Variants in DNAJC1 observed in about 807,000 individuals in gnomAD.
DNAJC1 encodes DnaJ heat shock protein family (Hsp40) member C1, also known as dnaJ homolog subfamily C member 1.
A neutral mutation model predicts 76.6 loss-of-function variants in DNAJC1; 58 were observed. The observed-to-expected ratio is 0.76, with a 90% CI of 0.61 to 0.94. DNAJC1 has a LOEUF of 0.94. DNAJC1 is among the 40% of genes least tolerant of loss of function. DNAJC1 has a pLI of 0.00. For missense variants in DNAJC1, 689 were observed against 677.3 expected (o/e 1.02, Z -0.19); for synonymous variants, 258 against 267.9 (o/e 0.96, Z 0.36).
At chr10:21,908,121 T>A (rs1338373362) in intron 6 of DNAJC1, among the ~76,000 whole-genome samples, 1 of 107,660 alleles carries the variant, frequency 9.3e-6, no homozygotes, top group African/African-American at 3.8e-5. Flanking sequence ...AATATATATA[T>A]AATATATAAT....
chr10:21,854,136 G>C (rs1835795739), intron 8 of DNAJC1, among the ~76,000 whole-genome samples: 1 of 151,940 alleles, frequency 6.6e-6, no homozygotes, highest in Non-Finnish European at 1.5e-5. Context: ...TCAACCATCA[G>C]GTTGTTTATA....
chr10:21,857,621 GGATGTGT>G (rs1430494499), intron 8 of DNAJC1, among the ~76,000 whole-genome samples: 5 of 152,048 alleles, frequency 3.3e-5, no homozygotes, highest in Non-Finnish European at 5.9e-5. Context: ...GAATATTAGG[GGATGTGT>G]GTATATGTAT....
intron 8 of DNAJC1, among the ~76,000 whole-genome samples, chr10:21,818,342 T>A (rs1835106590): frequency 6.6e-6 from 1 of 152,202 alleles, no homozygotes; most frequent in Non-Finnish European, 1.5e-5. Context: ...AGACCAGTTG[T>A]CTGCTCTCAA....
intron 1 of DNAJC1, among the ~76,000 whole-genome samples, chr10:21,951,437 G>C (rs1175241971): frequency 2.6e-5 from 4 of 151,634 alleles, no homozygotes; most frequent in Non-Finnish European, 5.9e-5. Context: ...TTATAAAATA[G>C]AGAAATTTTT....
intron 7 of DNAJC1, among the ~76,000 whole-genome samples, chr10:21,884,868 A>T (rs1836344625): frequency 6.6e-6 from 1 of 152,146 alleles, no homozygotes; most frequent in Non-Finnish European, 1.5e-5. Context: ...ATAAGCATTT[A>T]TAAAGGGGCA....
intron 1 of DNAJC1, among the ~76,000 whole-genome samples, chr10:21,964,928 TTGAC>T (rs1382272450): frequency 1.3e-5 from 2 of 152,186 alleles, no homozygotes; most frequent in African/African-American, 4.8e-5. Context: ...TCTTTTCTCT[TTGAC>T]TGTTTTCAAA....
chr10:21,931,200 T>G (rs962743721), intron 1 of DNAJC1, among the ~76,000 whole-genome samples: 1 of 152,182 alleles, frequency 6.6e-6, no homozygotes, highest in African/African-American at 2.4e-5. Context: ...TCTTGGCTCA[T>G]CCTCCTGGTC....
chr10:21,921,913 C>G (rs1837049818), intron 3 of DNAJC1, among the ~76,000 whole-genome samples: 1 of 152,042 alleles, frequency 6.6e-6, no homozygotes, highest in South Asian at 2.1e-4. Flanking sequence ...GTTCAACACA[C>G]ACAACCTGTT....
intron 8 of DNAJC1, among the ~76,000 whole-genome samples, chr10:21,841,918 T>TA (rs1835580532): frequency 1.3e-5 from 2 of 151,904 alleles, no homozygotes; most frequent in African/African-American, 4.8e-5. Flanking sequence ...TATGCAGCCA[T>TA]AAAAAATGAT....
intron 1 of DNAJC1, among the ~76,000 whole-genome samples, chr10:21,950,219 T>C (rs994029532): frequency 3.3e-5 from 5 of 152,200 alleles, no homozygotes; most frequent in Non-Finnish European, 7.3e-5. Context: ...TCCAACAGCA[T>C]GTATTCCCTT....
chr10:21,893,443 C>T (rs966714548), intron 7 of DNAJC1, among the ~76,000 whole-genome samples: 10 of 151,816 alleles, frequency 6.6e-5, no homozygotes, highest in Admixed American at 2.0e-4. Flanking sequence ...CCTGGGCCAA[C>T]ATGGTAAAAC....
chr10:21,919,279 T>C (rs1255677263), intron 5 of DNAJC1, among the ~76,000 whole-genome samples: 1 of 151,958 alleles, frequency 6.6e-6, no homozygotes, highest in Non-Finnish European at 1.5e-5. Flanking sequence ...ATGAAGACTG[T>C]AGCATAAACA....
chr10:21,894,318 C>T (rs1402773140), intron 7 of DNAJC1, among the ~76,000 whole-genome samples: 1 of 152,200 alleles, frequency 6.6e-6, no homozygotes, highest in African/African-American at 2.4e-5. Context: ...CGTCTGTAAT[C>T]CCAACACTTA....
chr10:21,820,815 C>T (rs1286079561), intron 8 of DNAJC1, among the ~76,000 whole-genome samples: 1 of 152,150 alleles, frequency 6.6e-6, no homozygotes, highest in Admixed American at 6.5e-5. Context: ...TACTGGTTTA[C>T]TTAAAAGATA....
intron 9 of DNAJC1, among the ~76,000 whole-genome samples, chr10:21,792,424 A>G (rs2131634963): frequency 6.6e-6 from 1 of 152,314 alleles, no homozygotes; most frequent in East Asian, 1.9e-4. Context: ...ACTATAGACC[A>G]TTCGCTCTCA....
intron 1 of DNAJC1, among the ~76,000 whole-genome samples, chr10:21,964,220 A>G (rs1406427292): frequency 1.3e-5 from 2 of 151,982 alleles, no homozygotes; most frequent in African/African-American, 4.8e-5. Flanking sequence ...TTATTTTATT[A>G]TTTTATTTTT....
chr10:21,915,209 A>T (rs776597116), intron 6 of DNAJC1, among the ~76,000 whole-genome samples: 24 of 152,368 alleles, frequency 1.6e-4, no homozygotes, highest in Non-Finnish European at 2.9e-4. Flanking sequence ...TAATTTAGGT[A>T]TACTAAGCAG....
At chr10:22,002,582 C>T (rs533670297) in intron 1 of DNAJC1, among the ~76,000 whole-genome samples, 1 of 152,180 alleles carries the variant, frequency 6.6e-6, no homozygotes, top group South Asian at 2.1e-4. Context: ...CCTGGTTAGA[C>T]GCTTCAAATT....
intron 3 of DNAJC1, among the ~76,000 whole-genome samples, chr10:21,923,929 T>TA (rs983758093): frequency 4.5e-4 from 68 of 152,046 alleles, no homozygotes; most frequent in Non-Finnish European, 5.0e-4. Flanking sequence ...AAACTAAAAT[T>TA]AAAAATCTGT....
Sources: allele counts gnomAD v4.1 joint callset (sites outside exome capture counted in the v4.1 genomes callset), GRCh38; gene constraint gnomAD v4.1.1; transcripts MANE v1.5; gene names NCBI Gene and HGNC (gene_info 2026-07-23, HGNC 2026-07-21).